The following CRAMP1 variants were observed in gnomAD, a reference collection of about 807,000 sequenced individuals.
CRAMP1 encodes cramped chromatin regulator 1, also known as protein cramped-like.
Under a neutral mutation model 115.4 loss-of-function variants are expected in CRAMP1, and 50 were observed. The ratio of observed to expected loss-of-function variants is 0.43; its 90% CI spans 0.35 to 0.55. CRAMP1 has a LOEUF of 0.55. Among genes scored for constraint, CRAMP1 ranks in the 20% least tolerant of loss-of-function variants. CRAMP1 has a pLI of 0.01. For missense variants in CRAMP1, 1,679 were observed against 1,721.7 expected (o/e 0.98, Z 0.44); for synonymous variants, 866 against 745.4 (o/e 1.16, Z -2.64).
At chr16:1,667,769 ACT>A (rs2036888610) in intron 17 of CRAMP1, among the ~76,000 whole-genome samples, 191 bp from the exon 18 acceptor site, 1 of 151,978 alleles carries the variant, frequency 6.6e-6, no homozygotes, top group African/African-American at 2.4e-5. Context: ...TGACTTTCTG[ACT>A]CTGCCATAGT....
chr16:1,646,534 T>C (rs977653647), intron 6 of CRAMP1, among the ~76,000 whole-genome samples: 3 of 152,218 alleles, frequency 2.0e-5, no homozygotes, highest in Non-Finnish European at 4.4e-5. Context: ...TTCTTGAGTT[T>C]AGAGAATTCT....
chr16:1,647,000 A>G (rs1184402208), intron 6 of CRAMP1: 2 of 702,402 alleles, frequency 2.8e-6, no homozygotes, highest in East Asian at 5.4e-5. Context: ...AACTTTTGTG[A>G]CCGTTCTTTG....
chr16:1,668,750 G>T (rs933851990), intron 18 of CRAMP1, among the ~76,000 whole-genome samples: 3 of 152,238 alleles, frequency 2.0e-5, no homozygotes, highest in Non-Finnish European at 2.9e-5. Flanking sequence ...TAGGGCTGCT[G>T]TGGGTGCCGT....
chr16:1,669,119 G>C lies in CRAMP1; in HGVS notation c.3453G>C (p.Gln1151His). The change falls in exon 19 of 21, where the codon CAG becomes CAC. Residue 1151 changes from glutamine (Q) to histidine (H), a missense_variant. Around this residue, in one of 8 missense-constraint regions of CRAMP1, gnomAD observed 709 missense variants for 741.9 expected, o/e 0.96. Transcript: ENST00000397412. The surrounding 1 kb of genome is among the most constrained non-coding windows in gnomAD (Gnocchi z 4.6). Reference protein sequence around the residue: ...HWIASPTHDPQWYPSDSTDSS... With the variant: ...HWIASPTHDPHWYPSDSTDSS... The stretch of plus-strand genomic sequence containing the variant: ...TCGCCTCTCCCACCCACGACCCCCA[G>C]TGGTACCCCAGTGACTCCACCGACT... 1.2e-6 allele frequency: 2 copies of C among 1,610,322 alleles called. No individual in the cohort carries two copies. The highest frequency in any genetic ancestry group is 1.7e-6 in the Non-Finnish European group (2 of 1,178,388).
Position 1,666,653 on chromosome 16 carries a change from C to A in CRAMP1, c.3036+53C>A. ...CATTACCACCAACTTCTGGTGTGGA[C>A]GCCAAAGCCATGGGGCTGAGATCAC... On this transcript the variant is annotated intron_variant, in intron 16 of 20. Coordinates refer to ENST00000397412, the MANE Select transcript of CRAMP1 (RefSeq NM_020825.4). The surrounding 1 kb of genome is among the most constrained non-coding windows in gnomAD (Gnocchi z 5.0). 1 of 1,528,954 alleles carries A rather than the reference C, an allele frequency of 6.5e-7. No individual in the cohort carries two copies. Among genetic ancestry groups the A allele is most frequent in the Non-Finnish European group, 9.0e-7 (1 of 1,106,796 alleles). 94.7% of individuals were successfully genotyped at this position (1,528,954 alleles called of 1,614,324 possible). A position where few individuals can be genotyped will look rare whatever the true frequency, so the allele number is the denominator to read the frequency against.
chr16:1,670,555 G>T, intron 19 of CRAMP1, 109 bp from the exon 20 acceptor site: 1 of 1,212,340 alleles, frequency 8.2e-7, no homozygotes, highest in Non-Finnish European at 1.2e-6. Context: ...TTGGGGCCGG[G>T]GCCGGGGCTA....
At chr16:1,670,847 A>T (rs761546127) in intron 20 of CRAMP1, 38 bp downstream of exon 20, 2 of 1,605,714 alleles carry the variant, frequency 1.2e-6, no homozygotes. Context: ...CTGACCACCA[A>T]CCCTCGTGCC....
At position 1,656,214 on chromosome 16, in the gene CRAMP1, C is replaced by G. The variant is rs756347466; in HGVS notation, c.1457C>G (p.Ser486Cys). The G allele has an allele frequency of 1.2e-6, 2 of 1,606,470 alleles. No individual in the cohort carries two copies. Among genetic ancestry groups the G allele is most frequent in the South Asian group, 1.1e-5 (1 of 90,760 alleles). The change falls in exon 10 of 21, where the codon TCC (serine) becomes TGC (cysteine). Residue 486 changes from serine (S) to cysteine (C), a missense_variant. This residue lies in a region of CRAMP1 where 405 missense variants were observed against 302.6 expected (regional missense o/e 1.34). Coordinates refer to ENST00000397412, the MANE Select transcript of CRAMP1 (RefSeq NM_020825.4). This position sits in a 1 kb window ranked among gnomAD's most constrained non-coding sequence, Gnocchi z 5.6. ...PPPAADALQSSGESSPESAPG... is the reference protein window; with the variant it reads ...PPPAADALQSCGESSPESAPG... ...CCTGCGGCTGACGCCTTGCAGAGCT[C>G]CGGAGAGAGTTCCCCCGAAAGCGCC...
At chr16:1,673,174 TC>T (rs1431400472) in intron 20 of CRAMP1, among the ~76,000 whole-genome samples, 3 of 146,566 alleles carry the variant, frequency 2.0e-5, no homozygotes, top group Non-Finnish European at 4.5e-5. Flanking sequence ...CGGGAACGTG[TC>T]CCCCACCTGT....
At chr16:1,658,018 C>T (rs567158463) in intron 10 of CRAMP1, among the ~76,000 whole-genome samples, 2 of 152,230 alleles carry the variant, frequency 1.3e-5, no homozygotes, top group Admixed American at 6.5e-5. Flanking sequence ...ACCCACTGCT[C>T]CACACAGGCC....
intron 10 of CRAMP1, among the ~76,000 whole-genome samples, chr16:1,658,281 G>T (rs1046520284): frequency 6.6e-6 from 1 of 151,828 alleles, no homozygotes; most frequent in Non-Finnish European, 1.5e-5. Context: ...AGTGGCTCGG[G>T]GGTCGCATAG....
In CRAMP1 at chr16:1,666,513, A is replaced by G; in HGVS notation, c.2949A>G (p.Pro983=). The change falls in exon 16 of 21, where the codon CCA becomes CCG. Residue 983 remains proline, a synonymous_variant. Coordinates refer to ENST00000397412, the MANE Select transcript of CRAMP1 (RefSeq NM_020825.4). The surrounding 1 kb of genome is among the most constrained non-coding windows in gnomAD (Gnocchi z 5.0). Reference sequence around the variant, plus strand: ...CCGAGGGCTTGTCTGGCATCTCTCCACTGTCTTCAGACGAGGTGACGGGTG... The same window carrying G: ...CCGAGGGCTTGTCTGGCATCTCTCCGCTGTCTTCAGACGAGGTGACGGGTG... ...LDTEGLSGIS[P]LSSDEVTGAI... 2 of 1,613,606 alleles carry G rather than the reference A, an allele frequency of 1.2e-6. No individual in the cohort carries two copies. The highest frequency in any genetic ancestry group is 1.1e-5 in the South Asian group (1 of 91,050).
intron 6 of CRAMP1, among the ~76,000 whole-genome samples, chr16:1,649,084 A>T (rs191179103): frequency 6.6e-6 from 1 of 151,958 alleles, no homozygotes; most frequent in Non-Finnish European, 1.5e-5. Flanking sequence ...AGTTTGTCTC[A>T]GTACAACATG....
chr16:1,620,698 C>T (rs1047574735), intron 2 of CRAMP1: 1 of 456,400 alleles, frequency 2.2e-6, no homozygotes, highest in Non-Finnish European at 4.4e-6. Context: ...TTCGGTGAGT[C>T]ATTTAACTTC....
chr16:1,660,586 C>G (rs1418278301), intron 11 of CRAMP1, among the ~76,000 whole-genome samples: 2 of 152,336 alleles, frequency 1.3e-5, no homozygotes, highest in East Asian at 3.9e-4. Flanking sequence ...GTTCCTGGTA[C>G]ATAAAACCCC....
chr16:1,670,782 G>T lies in CRAMP1; in HGVS notation c.3618G>T (p.Val1206=). 1 of 1,613,990 alleles carries T rather than the reference G, an allele frequency of 6.2e-7. No individual in the cohort carries two copies. The highest frequency in any genetic ancestry group is 1.1e-5 in the South Asian group (1 of 91,088). Residue 1206 remains valine, a synonymous_variant, in exon 20 of 21, where the codon GTG becomes GTT. Coordinates refer to ENST00000397412, the MANE Select transcript of CRAMP1 (RefSeq NM_020825.4). Reference sequence around the variant, plus strand: ...ATGGAAACTCGCGGGACTCATTTGTGTCCAGGTCCCTGGCTGACGTTGCAG... The same window carrying T: ...ATGGAAACTCGCGGGACTCATTTGTTTCCAGGTCCCTGGCTGACGTTGCAG... The part of the protein sequence containing the change: ...LLDGNSRDSF[V]SRSLADVAEV...
Position 1,637,302 on chromosome 16 carries a change from GA to G in CRAMP1, c.695-508del, listed in dbSNP as rs565072995. Among the ~76,000 whole-genome samples, 191 of 127,736 alleles carry G rather than the reference GA, an allele frequency of 1.5e-3. 1 individual carries two copies. The highest frequency in any genetic ancestry group is 3.2e-3 in the South Asian group (12 of 3,792). The allele number at this position is 127,736 out of a possible 152,430, so 83.8% of individuals were successfully genotyped here. Reference sequence around the variant, plus strand: ...GAGTGAGACCCTGTCTCCAAGAAAAGAAAAAAAAAAAAAACAGGGCCTCTTA... The same window carrying G: ...GAGTGAGACCCTGTCTCCAAGAAAAGAAAAAAAAAAAAACAGGGCCTCTTA... On this transcript the variant is annotated intron_variant, in intron 4 of 20. Coordinates refer to ENST00000397412, the MANE Select transcript of CRAMP1 (RefSeq NM_020825.4).
intron 2 of CRAMP1, 36 bp downstream of exon 2, chr16:1,615,021 C>T (rs1395500429): frequency 5.1e-6 from 6 of 1,176,274 alleles, no homozygotes; most frequent in South Asian, 4.3e-5. Flanking sequence ...ACCCCAGCCC[C>T]TCTCCGGGGT....
chr16:1,625,932 G>A (rs1284786497), intron 2 of CRAMP1, 41 bp from the exon 3 acceptor site: 2 of 1,547,168 alleles, frequency 1.3e-6, no homozygotes, highest in African/African-American at 1.4e-5. Flanking sequence ...CAGCCCGCCA[G>A]CTTTCTGGAA....
Sources: gnomAD v4.1 joint callset for allele counts (sites outside exome capture counted in the v4.1 genomes callset) on GRCh38, gnomAD v4.1.1 for gene constraint, gnomAD v4.1.1 regional missense constraint, Gnocchi (gnomAD v3.1) non-coding constraint, MANE v1.5 for transcripts, NCBI Gene and HGNC (gene_info 2026-07-23, HGNC 2026-07-21) for gene names.